TRPS1: variants seen among roughly 807,000 people sequenced by gnomAD.
The protein encoded by TRPS1 is transcriptional repressor GATA binding 1.
TRPS1 carries 6 observed loss-of-function variants against 101.2 expected under a neutral mutation model. The observed-to-expected ratio is 0.06, with a 90% CI of 0.03 to 0.12. TRPS1 has a LOEUF of 0.12. Ranked by LOEUF, TRPS1 falls within the 10% of genes least tolerant of loss-of-function variation. The pLI is 1.00. For missense variants in TRPS1, 1,363 were observed against 1,567.0 expected (o/e 0.87, Z 2.20); for synonymous variants, 578 against 589.8 (o/e 0.98, Z 0.29).
intron 5 of TRPS1, among the ~76,000 whole-genome samples, chr8:115,469,107 T>C (rs1002857129): frequency 6.6e-6 from 1 of 152,138 alleles, no homozygotes; most frequent in African/African-American, 2.4e-5. Flanking sequence ...TGTCACTGCA[T>C]TCCAGTCTGG....
intron 1 of TRPS1, among the ~76,000 whole-genome samples, chr8:115,635,651 G>C (rs1384822377): frequency 6.6e-6 from 1 of 152,092 alleles, no homozygotes; most frequent in Admixed American, 6.6e-5. Context: ...TAAAAAGGAA[G>C]AACACAAACA....
At chr8:115,595,281 G>A (rs1817761263) in intron 4 of TRPS1, among the ~76,000 whole-genome samples, 1 of 151,904 alleles carries the variant, frequency 6.6e-6, no homozygotes, top group Non-Finnish European at 1.5e-5. Context: ...GTGGCATGTG[G>A]CATTACTGCC....
intron 5 of TRPS1, among the ~76,000 whole-genome samples, chr8:115,489,873 T>G (rs375108876): frequency 2.0e-4 from 30 of 152,234 alleles, no homozygotes; most frequent in African/African-American, 6.5e-4. Context: ...AAATATGGGT[T>G]TCTCAATCCA....
chr8:115,415,757 T>C (rs1157683705), intron 6 of TRPS1, among the ~76,000 whole-genome samples: 1 of 152,198 alleles, frequency 6.6e-6, no homozygotes, highest in Non-Finnish European at 1.5e-5. Context: ...CCAACTATGC[T>C]GGAACCTGAT....
At chr8:115,461,373 G>A (rs1193179004) in intron 5 of TRPS1, among the ~76,000 whole-genome samples, 2 of 151,896 alleles carry the variant, frequency 1.3e-5, no homozygotes, top group Admixed American at 6.6e-5. Flanking sequence ...ATTTGACAGA[G>A]GTAATAGACA....
chr8:115,535,764 T>C (rs1412123168), intron 5 of TRPS1, among the ~76,000 whole-genome samples: 1 of 151,376 alleles, frequency 6.6e-6, no homozygotes, highest in African/African-American at 2.4e-5. Flanking sequence ...TATATGTGTA[T>C]ATATATATGA....
intron 5 of TRPS1, among the ~76,000 whole-genome samples, chr8:115,474,088 T>C (rs1360344459): frequency 1.3e-5 from 2 of 152,216 alleles, no homozygotes; most frequent in Non-Finnish European, 2.9e-5. Context: ...CTCTGCTCTA[T>C]ACATTTTCTA....
chr8:115,431,599 T>C (rs1813320511), intron 5 of TRPS1, among the ~76,000 whole-genome samples: 1 of 151,892 alleles, frequency 6.6e-6, no homozygotes, highest in Non-Finnish European at 1.5e-5. Flanking sequence ...ACAAACTAAG[T>C]TGAAATTTGA....
chr8:115,426,126 T>C (rs1030130216), intron 5 of TRPS1, among the ~76,000 whole-genome samples: 22 of 152,154 alleles, frequency 1.4e-4, no homozygotes, highest in Non-Finnish European at 8.8e-5. Flanking sequence ...GCTACAACAA[T>C]GGCTGGAAAG....
intron 5 of TRPS1, among the ~76,000 whole-genome samples, chr8:115,510,516 G>A (rs145158165): frequency 3.9e-5 from 6 of 151,930 alleles, no homozygotes; most frequent in Admixed American, 6.6e-5. Flanking sequence ...CTGGGGCTTC[G>A]TCTGTTAGAC....
At chr8:115,584,890 G>A (rs1057517) in intron 5 of TRPS1, among the ~76,000 whole-genome samples, 105,669 of 152,024 alleles carry the variant, frequency 0.7, 38,132 homozygotes, top group African/African-American at 0.89. Context: ...CAAATATCCA[G>A]TAAAATTGGT....
intron 4 of TRPS1, among the ~76,000 whole-genome samples, chr8:115,600,626 C>T (rs1299099900): frequency 6.6e-6 from 1 of 152,066 alleles, no homozygotes; most frequent in Non-Finnish European, 1.5e-5. Flanking sequence ...CTTCTCCCTA[C>T]TCTGTGTTTA....
At chr8:115,415,184 G>A in intron 6 of TRPS1, 100 bp from the exon 7 acceptor site, 1 of 1,237,836 alleles carries the variant, frequency 8.1e-7, no homozygotes, top group Non-Finnish European at 1.1e-6. Context: ...TAAGTTCAAA[G>A]CAGGGATAGG....
chr8:115,449,956 A>AC (rs1813826159), intron 5 of TRPS1, among the ~76,000 whole-genome samples: 2 of 146,922 alleles, frequency 1.4e-5, no homozygotes, highest in South Asian at 4.3e-4. Context: ...TATGTGATTT[A>AC]ACACACACAC....
At chr8:115,583,043 C>T (rs1474176114) in intron 5 of TRPS1, among the ~76,000 whole-genome samples, 1 of 152,098 alleles carries the variant, frequency 6.6e-6, no homozygotes, top group East Asian at 1.9e-4. Context: ...TGAAAAACTA[C>T]ACAATGTTGG....
intron 1 of TRPS1, among the ~76,000 whole-genome samples, chr8:115,645,618 TA>T (rs1480980615): frequency 1.3e-5 from 2 of 152,054 alleles, no homozygotes; most frequent in Non-Finnish European, 2.9e-5. Flanking sequence ...TTCATGAAAT[TA>T]ATGCAAAAAA....
intron 5 of TRPS1, among the ~76,000 whole-genome samples, chr8:115,570,059 T>A (rs1817164427): frequency 6.6e-6 from 1 of 151,982 alleles, no homozygotes; most frequent in Non-Finnish European, 1.5e-5. Context: ...TATAAAGAAA[T>A]CTCTGTTTCA....
At position 115,604,077 on chromosome 8, in the gene TRPS1, T is replaced by C. The variant is rs759189183; in HGVS notation, c.1892A>G (p.Gln631Arg). ...TACGTCAGGGGTGGTGAATGAACAC[T>C]GATGGCACTGATGTTTGACTCGCGA... is the stretch of plus-strand genomic sequence containing the variant. ...GSSRVKHQCH[Q>R]CSFTTPDVDV... Residue 631 changes from glutamine (Q) to arginine (R), a missense_variant, in exon 4 of 7, where the codon CAG (glutamine) becomes CGG (arginine). Gln to Arg is a conservative substitution (Grantham distance 43, BLOSUM62 1). This residue lies in a region of TRPS1 where 1,020 missense variants were observed against 1,073.0 expected (regional missense o/e 0.95). Transcript: ENST00000395715. This position sits in a 1 kb window ranked among gnomAD's most constrained non-coding sequence, Gnocchi z 4.1. The C allele has an allele frequency of 4.3e-6, 7 of 1,613,940 alleles. No homozygotes were observed. In the Admixed American group the frequency reaches 5.0e-5, roughly 12 times the overall value.
chr8:115,454,468 T>A (rs1272804845), intron 5 of TRPS1, among the ~76,000 whole-genome samples: 2 of 152,228 alleles, frequency 1.3e-5, no homozygotes, highest in African/African-American at 4.8e-5. Flanking sequence ...ATTTCTTTCA[T>A]CAGCATTCAC....
Sources: allele counts gnomAD v4.1 joint callset (sites outside exome capture counted in the v4.1 genomes callset), GRCh38; gene constraint gnomAD v4.1.1; regional missense constraint gnomAD v4.1.1; non-coding constraint Gnocchi (gnomAD v3.1); transcripts MANE v1.5; gene names NCBI Gene and HGNC (gene_info 2026-07-23, HGNC 2026-07-21).